TTC34: variants seen among roughly 807,000 people sequenced by gnomAD.
The protein encoded by TTC34 is tetratricopeptide repeat domain 34, also known as tetratricopeptide repeat protein 34.
In TTC34, 44 loss-of-function variants were observed where a neutral mutation model predicts 40.7. The observed-to-expected ratio is 1.08, with a 90% confidence interval of 0.85 to 1.39. The LOEUF (loss-of-function observed/expected upper bound fraction) is 1.39, where lower values mean the gene tolerates loss of function less well. TTC34 is among the 40% of genes most tolerant of loss of function. The probability of loss-of-function intolerance (pLI) is 0.00; values close to 1 mark genes in which losing one functional copy is unlikely to be tolerated. For missense variants in TTC34, 884 were observed against 838.0 expected, an observed-to-expected ratio of 1.05 and a Z score of -0.68; for synonymous variants, 422 against 398.6, an observed-to-expected ratio of 1.06 and a Z score of -0.70.
intron 6 of TTC34, among the ~76,000 whole-genome samples, chr1:2,749,043 C>A (rs1217257718): frequency 1.7e-4 from 21 of 125,880 alleles, no homozygotes; most frequent in African/African-American, 4.0e-4. Context: ...CACCCACACC[C>A]CCAGGTGAGA....
At chr1:2,651,751 A>T (rs1206264960) in intron 6 of TTC34, among the ~76,000 whole-genome samples, 1 of 151,852 alleles carries the variant, frequency 6.6e-6, no homozygotes, top group African/African-American at 2.4e-5. Context: ...ACAACCTAGA[A>T]CAGCACCCTC....
At chr1:2,788,583 A>G (rs1365842204) in intron 3 of TTC34, among the ~76,000 whole-genome samples, 1 of 152,196 alleles carries the variant, frequency 6.6e-6, no homozygotes, top group Non-Finnish European at 1.5e-5. Flanking sequence ...GCAGCTAGGG[A>G]TTCACCCACT....
intron 6 of TTC34, among the ~76,000 whole-genome samples, chr1:2,779,449 G>A (rs541655533): frequency 6.6e-6 from 1 of 151,984 alleles, no homozygotes; most frequent in Non-Finnish European, 1.5e-5. Context: ...TCAGCCTCCC[G>A]AGTAGCTGGG....
chr1:2,754,776 C>A (rs1641448073), intron 6 of TTC34, among the ~76,000 whole-genome samples: 3 of 151,514 alleles, frequency 2.0e-5, no homozygotes, highest in African/African-American at 7.3e-5. Context: ...GCAGCACCCA[C>A]ACCCACAGGT....
At chr1:2,777,611 G>A (rs1003753361) in intron 6 of TTC34, among the ~76,000 whole-genome samples, 4 of 149,338 alleles carry the variant, frequency 2.7e-5, no homozygotes, top group African/African-American at 9.8e-5. Context: ...GCCTGCTGCT[G>A]AGCCCCAGCG....
intron 6 of TTC34, among the ~76,000 whole-genome samples, chr1:2,777,614 C>G (rs549733601): frequency 6.6e-6 from 1 of 151,922 alleles, no homozygotes; most frequent in Non-Finnish European, 1.5e-5. Flanking sequence ...TGCTGCTGAG[C>G]CCCAGCGCTG....
At chr1:2,687,298 TC>T (rs1389108261) in intron 6 of TTC34, among the ~76,000 whole-genome samples, 4 of 117,240 alleles carry the variant, frequency 3.4e-5, no homozygotes, top group Admixed American at 9.5e-5. Flanking sequence ...CAGGTGAGCA[TC>T]TGACATCGTG....
intron 6 of TTC34, among the ~76,000 whole-genome samples, chr1:2,701,810 CA>C (rs1158014587): frequency 3.5e-5 from 3 of 86,824 alleles, no homozygotes; most frequent in African/African-American, 1.0e-4. Context: ...CAGCATAAAA[CA>C]GCACCCTGCA....
chr1:2,779,983 G>A (rs562214247), intron 6 of TTC34, among the ~76,000 whole-genome samples: 91 of 152,056 alleles, frequency 6.0e-4, no homozygotes, highest in African/African-American at 1.7e-3. Context: ...GCGTGGGGTC[G>A]CCCACCTGTA....
At chr1:2,785,728 C>A (rs1055905099) in intron 5 of TTC34, 91 bp downstream of exon 5, 2 of 1,370,842 alleles carry the variant, frequency 1.5e-6, no homozygotes. Context: ...GGGGAGCATG[C>A]GTGTCCCCAC....
rs1054452272 is a variant in TTC34, at chr1:2,796,743, C to T, written c.784+3301G>A. Among the ~76,000 whole-genome samples, 3 of 152,188 alleles carry T rather than the reference C, an allele frequency of 2.0e-5. No individual in the cohort carries two copies. The highest frequency in any genetic ancestry group is 4.8e-5 in the African/African-American group (2 of 41,442). ...CTGTGCTCTGGGCACCCGGGGTCCC[C>T]TCCTTCCTCAGAAGCTCACGATTCG... On this transcript the variant is annotated intron_variant, in intron 2 of 8. Transcript: ENST00000401095. This position sits in a 1 kb window ranked among gnomAD's most constrained non-coding sequence, Gnocchi z 4.5.
At chr1:2,748,529 G>A (rs1641219597) in intron 6 of TTC34, among the ~76,000 whole-genome samples, 5 of 148,454 alleles carry the variant, frequency 3.4e-5, no homozygotes, top group Non-Finnish European at 7.6e-5. Flanking sequence ...ACCCTCAGGT[G>A]AGCATCTGAC....
At chr1:2,655,246 A>AGTCTGCACCTGGAGGTG (rs1223946446) in intron 6 of TTC34, among the ~76,000 whole-genome samples, 2 of 106,930 alleles carry the variant, frequency 1.9e-5, no homozygotes, top group Admixed American at 1.1e-4. Flanking sequence ...CTGGAGCAGC[A>AGTCTGCACCTGGAGGTG]CGCACACCCC....
At chr1:2,644,478 C>T (rs775256087) in exon 8 of TTC34, 17 of 1,532,380 alleles carry the variant, frequency 1.1e-5, no homozygotes, top group Non-Finnish European at 1.4e-5. Context: ...CTCGTAGCTG[C>T]CTGTCAGGGA....
At chr1:2,769,429 C>A (rs1569760180) in intron 6 of TTC34, among the ~76,000 whole-genome samples, 1 of 51,614 alleles carries the variant, frequency 1.9e-5, no homozygotes, top group East Asian at 6.3e-4. Flanking sequence ...ACCCACACCC[C>A]CAGGTGAGCA....
intron 5 of TTC34, among the ~76,000 whole-genome samples, 195 bp downstream of exon 5, chr1:2,785,624 C>G (rs1643572737): frequency 2.0e-5 from 3 of 152,204 alleles, no homozygotes; most frequent in Non-Finnish European, 4.4e-5. Context: ...AGCCTGGTCT[C>G]AGGCCTTGGT....
intron 2 of TTC34, among the ~76,000 whole-genome samples, chr1:2,794,521 A>G (rs1037515330): frequency 5.3e-5 from 8 of 152,154 alleles, no homozygotes; most frequent in Admixed American, 3.9e-4. Context: ...TGGAATTTCT[A>G]TATACATAGC....
intron 6 of TTC34, among the ~76,000 whole-genome samples, chr1:2,752,803 A>C: frequency 7.8e-6 from 1 of 128,452 alleles, no homozygotes; most frequent in East Asian, 2.7e-4. Flanking sequence ...AGCCTGGAAC[A>C]GCTCCCTGCA....
intron 6 of TTC34, among the ~76,000 whole-genome samples, chr1:2,757,671 C>T (rs1641551955): frequency 6.9e-6 from 1 of 145,268 alleles, no homozygotes; most frequent in Non-Finnish European, 1.5e-5. Context: ...GGACCCACAC[C>T]CCTAGGTGAA....
Sources: gnomAD v4.1 joint callset for allele counts (sites outside exome capture counted in the v4.1 genomes callset) on GRCh38, gnomAD v4.1.1 for gene constraint, Gnocchi (gnomAD v3.1) non-coding constraint, MANE v1.5 for transcripts, NCBI Gene and HGNC (gene_info 2026-07-23, HGNC 2026-07-21) for gene names.